KDM3A: variants seen among roughly 807,000 people sequenced by gnomAD.
KDM3A encodes lysine demethylase 3A.
In KDM3A, 60 loss-of-function variants were observed where a neutral mutation model predicts 158.0. The ratio of observed to expected loss-of-function variants is 0.38; its 90% CI spans 0.31 to 0.47. The LOEUF is 0.47. KDM3A is among the 20% of genes least tolerant of loss of function. The pLI is 0.99. For missense variants in KDM3A, 1,319 were observed against 1,574.3 expected, an observed-to-expected ratio of 0.84 and a Z score of 2.74; for synonymous variants, 608 against 549.3, an observed-to-expected ratio of 1.11 and a Z score of -1.49.
intron 16 of KDM3A, 59 bp from the exon 17 acceptor site, chr2:86,481,871 T>C (rs1172479000): frequency 7.5e-7 from 1 of 1,327,884 alleles, no homozygotes; most frequent in East Asian, 2.3e-5. Context: ...AGTAGAATAC[T>C]AATAAGGGAT....
chr2:86,444,389 C>T (rs1682869678), intron 2 of KDM3A, among the ~76,000 whole-genome samples: 1 of 152,188 alleles, frequency 6.6e-6, no homozygotes, highest in Non-Finnish European at 1.5e-5. Context: ...AGATGCCAAT[C>T]TTCTGTCTCT....
chr2:86,482,211 C>T (rs890763286), intron 17 of KDM3A, 109 bp downstream of exon 17: 3 of 1,307,440 alleles, frequency 2.3e-6, no homozygotes, highest in East Asian at 4.6e-5. Flanking sequence ...ACATACTTAC[C>T]TTTGTGGGTT....
At chr2:86,448,008 T>C (rs570341967) in intron 2 of KDM3A, among the ~76,000 whole-genome samples, 1 of 152,302 alleles carries the variant, frequency 6.6e-6, no homozygotes, top group East Asian at 1.9e-4. Flanking sequence ...AGATGGGCAG[T>C]CTCTGCCCAC....
intron 12 of KDM3A, 49 bp downstream of exon 12, chr2:86,475,039 T>C: frequency 6.9e-7 from 1 of 1,443,606 alleles, no homozygotes; most frequent in Non-Finnish European, 9.7e-7. Flanking sequence ...ATTTGATTTT[T>C]GTTCCTAAGT....
Position 86,478,006 on chromosome 2 carries a change from T to A in KDM3A, c.2069T>A (p.Met690Lys). The part of the protein sequence containing the change: ...GFGVCVDCYR[M>K]KRKNCQQGAA... ...GGAGTATGTGTGGACTGCTACCGGATGAAGAGAAAGAATTGCCAACAGGGT... is the reference window on the plus strand; with the variant it reads ...GGAGTATGTGTGGACTGCTACCGGAAGAAGAGAAAGAATTGCCAACAGGGT... Residue 690 changes from methionine (M) to lysine (K), a missense_variant, in exon 13 of 26, where the codon ATG becomes AAG. Coordinates refer to ENST00000312912, the MANE Select transcript of KDM3A (RefSeq NM_018433.6). 2 of 1,614,160 alleles carry A rather than the reference T, an allele frequency of 1.2e-6. No individual in the cohort carries two copies. The highest frequency in any genetic ancestry group is 1.7e-6 in the Non-Finnish European group (2 of 1,180,024).
At chr2:86,457,614 AT>A (rs1269158280) in intron 8 of KDM3A, among the ~76,000 whole-genome samples, 2 of 152,290 alleles carry the variant, frequency 1.3e-5, no homozygotes, top group African/African-American at 2.4e-5. Context: ...AGATTTGACA[AT>A]TTCACCATGT....
chr2:86,456,401 G>A (rs1672696231), intron 5 of KDM3A, 41 bp from the exon 6 acceptor site: 1 of 1,353,372 alleles, frequency 7.4e-7, no homozygotes, highest in Non-Finnish European at 9.8e-7. Context: ...GGGAGATAAT[G>A]CAAATTGCTC....
chr2:86,474,750 A>G (rs762531467), intron 11 of KDM3A, 26 bp from the exon 12 acceptor site: 1 of 1,238,754 alleles, frequency 8.1e-7, no homozygotes, highest in East Asian at 2.4e-5. Flanking sequence ...TGTACATTAC[A>G]TCTTTTTTTC....
At chr2:86,485,178 A>G in intron 20 of KDM3A, 149 bp downstream of exon 20, 1 of 562,544 alleles carries the variant, frequency 1.8e-6, no homozygotes, top group Non-Finnish European at 3.2e-6. Flanking sequence ...GTCTGTAGTC[A>G]TTGGAGGCAT....
At chr2:86,451,419 G>A (rs1171401105) in intron 4 of KDM3A, among the ~76,000 whole-genome samples, 1 of 152,032 alleles carries the variant, frequency 6.6e-6, no homozygotes, top group Non-Finnish European at 1.5e-5. Context: ...TAAACAGTTG[G>A]TTAACATATA....
At chr2:86,485,975 C>T in intron 21 of KDM3A, 116 bp downstream of exon 21, 1 of 1,010,090 alleles carries the variant, frequency 9.9e-7, no homozygotes, top group Non-Finnish European at 1.4e-6. Context: ...CGTAATACAG[C>T]CACAGCTTTC....
chr2:86,450,356 C>G (rs1190590214), intron 3 of KDM3A, among the ~76,000 whole-genome samples: 1 of 152,210 alleles, frequency 6.6e-6, no homozygotes, highest in Non-Finnish European at 1.5e-5. Flanking sequence ...AATGGCAACA[C>G]TGGAGCCTTA....
At chr2:86,466,340 T>G (rs372827916) in intron 9 of KDM3A, 32 bp from the exon 10 acceptor site, 1 of 1,569,784 alleles carries the variant, frequency 6.4e-7, no homozygotes, top group South Asian at 1.2e-5. Context: ...AAAAGAGGCC[T>G]GGATGCTAGC....
At chr2:86,452,426 A>G (rs1672508421) in intron 4 of KDM3A, among the ~76,000 whole-genome samples, 1 of 152,116 alleles carries the variant, frequency 6.6e-6, no homozygotes, top group Admixed American at 6.6e-5. Context: ...GGTTGTTGAA[A>G]ATGTGACCAG....
upstream of KDM3A, among the ~76,000 whole-genome samples, chr2:86,437,211 G>A (rs1682507291): frequency 6.6e-6 from 1 of 151,902 alleles, no homozygotes; most frequent in African/African-American, 2.4e-5. Context: ...CGTGATCTCA[G>A]CTCACTGCAA....
In KDM3A at chr2:86,489,593, G is replaced by A. The variant is rs775470902; in HGVS notation, c.3507G>A (p.Lys1169=). Residue 1169 remains lysine, a synonymous_variant, in exon 23 of 26, where the codon AAG becomes AAA. Transcript: ENST00000312912. ...TIKRFIEGKE[K]PGALWHIYAA... is the part of the protein sequence containing the mutation. Reference sequence around the variant, plus strand: ...AGCGATTTATTGAAGGAAAAGAGAAGCCAGGAGCACTGTGGCACATATATG... The same window carrying A: ...AGCGATTTATTGAAGGAAAAGAGAAACCAGGAGCACTGTGGCACATATATG... 2.0e-5 allele frequency: 33 copies of A among 1,613,944 alleles called. No homozygotes were observed. The highest frequency in any genetic ancestry group is 2.2e-5 in the East Asian group (1 of 44,878).
At position 86,492,320 on chromosome 2, in the gene KDM3A, C is replaced by T. The variant is rs1269128620; in HGVS notation, c.*201C>T. ...AGTAACTATTTACAGAACATGCATC[C>T]TTAAACTGTGACTTCTCACCTAGTG... is the stretch of plus-strand genomic sequence containing the variant. On this transcript the variant is annotated 3_prime_UTR_variant, in exon 26 of 26. Transcript: ENST00000312912. 2.0e-6 allele frequency: 1 copy of T among 499,532 alleles called. No individual in the cohort carries two copies. The highest frequency in any genetic ancestry group is 3.6e-6 in the Non-Finnish European group (1 of 279,298). 30.9% of individuals were successfully genotyped at this position (499,532 alleles called of 1,614,324 possible). A position where few individuals can be genotyped will look rare whatever the true frequency, so the allele number is the denominator to read the frequency against.
chr2:86,482,789 C>T (rs1573204806), intron 18 of KDM3A, 95 bp downstream of exon 18: 2 of 1,065,264 alleles, frequency 1.9e-6, no homozygotes, highest in African/African-American at 1.6e-5. Flanking sequence ...CTTTCCCCCT[C>T]CTTCACCTCC....
intron 11 of KDM3A, among the ~76,000 whole-genome samples, chr2:86,471,301 GTATGTGTATA>G (rs1343091013): frequency 4.8e-5 from 7 of 146,508 alleles, no homozygotes; most frequent in Non-Finnish European, 1.0e-4. Context: ...ATATATGTGT[GTATGTGTATA>G]TATGTGTATA....
Sources: gnomAD v4.1 joint callset for allele counts (sites outside exome capture counted in the v4.1 genomes callset) on GRCh38, gnomAD v4.1.1 for gene constraint, MANE v1.5 for transcripts, NCBI Gene and HGNC (gene_info 2026-07-23, HGNC 2026-07-21) for gene names.